Variants in ITGAE observed in about 807,000 individuals in gnomAD.
ITGAE encodes the protein integrin alpha-E.
ITGAE carries 99 observed loss-of-function variants against 136.5 expected under a neutral mutation model. The observed-to-expected ratio is 0.73, with a 90% CI of 0.62 to 0.86. The LOEUF (loss-of-function observed/expected upper bound fraction) is 0.86. ITGAE is among the 40% of genes least tolerant of loss of function. The pLI is 0.00. For synonymous variants in ITGAE, 613 were observed against 591.8 expected, an observed-to-expected ratio of 1.04 and a Z score of -0.52; for missense variants, 1,447 against 1,515.3, an observed-to-expected ratio of 0.95 and a Z score of 0.75.
At chr17:3,789,824 A>C (rs2052895996) in intron 1 of ITGAE, among the ~76,000 whole-genome samples, 1 of 152,128 alleles carries the variant, frequency 6.6e-6, no homozygotes, top group African/African-American at 2.4e-5. Flanking sequence ...TCATTTGTTC[A>C]TCTGGCCCTT....
At chr17:3,746,071 C>G in intron 17 of ITGAE, 144 bp from the exon 18 acceptor site, 1 of 710,020 alleles carries the variant, frequency 1.4e-6, no homozygotes, top group East Asian at 2.9e-5. Flanking sequence ...ACTCCTGCGT[C>G]GGTTTTTCAA....
At chr17:3,716,298 A>G (rs997319726) in intron 30 of ITGAE, among the ~76,000 whole-genome samples, 13 of 152,218 alleles carry the variant, frequency 8.5e-5, no homozygotes, top group African/African-American at 3.1e-4. Context: ...AAAGATTTCA[A>G]CAGGGGAACA....
At chr17:3,785,519 G>C in intron 1 of ITGAE, among the ~76,000 whole-genome samples, 1 of 144,896 alleles carries the variant, frequency 6.9e-6, no homozygotes, top group East Asian at 2.0e-4. Context: ...AGGAAGGAAG[G>C]AAGGAAGGAA....
At position 3,723,670 on chromosome 17, in the gene ITGAE, C is replaced by T; in HGVS notation, c.3141+18G>A. 1 of 1,575,054 alleles carries T rather than the reference C, an allele frequency of 6.3e-7. No individual in the cohort carries two copies. Among genetic ancestry groups the T allele is most frequent in the South Asian group, 1.1e-5 (1 of 87,144 alleles). On this transcript the variant is annotated intron_variant, in intron 27 of 30. Coordinates refer to ENST00000263087, the MANE Select transcript of ITGAE (RefSeq NM_002208.5). Reference sequence around the variant, plus strand: ...GGCCCTCCGCCCTCCCCTGGCCTCTCGGGACGGCCGCGCTTACCTGAACCG... The same window carrying T: ...GGCCCTCCGCCCTCCCCTGGCCTCTTGGGACGGCCGCGCTTACCTGAACCG...
intron 30 of ITGAE, among the ~76,000 whole-genome samples, chr17:3,715,426 G>A (rs2050923671): frequency 6.6e-6 from 1 of 152,162 alleles, no homozygotes; most frequent in Non-Finnish European, 1.5e-5. Flanking sequence ...CCAGCACAGA[G>A]GACTCAGGAG....
intron 1 of ITGAE, among the ~76,000 whole-genome samples, chr17:3,797,374 C>T (rs1227798061): frequency 6.6e-6 from 1 of 151,264 alleles, no homozygotes; most frequent in Non-Finnish European, 1.5e-5. Context: ...ACTGTGTTAG[C>T]CAGGATGGTC....
intron 2 of ITGAE, among the ~76,000 whole-genome samples, chr17:3,765,519 GAAT>G (rs1360871923): frequency 1.3e-5 from 2 of 152,040 alleles, no homozygotes; most frequent in African/African-American, 4.8e-5. Context: ...ATGGCTTACA[GAAT>G]AATAAGAAAG....
intron 20 of ITGAE, among the ~76,000 whole-genome samples, chr17:3,737,157 G>A (rs773625980): frequency 1.3e-5 from 2 of 152,150 alleles, no homozygotes; most frequent in Non-Finnish European, 2.9e-5. Context: ...GCTGAGTGTG[G>A]TCACGTGCGC....
chr17:3,732,496 A>C, intron 21 of ITGAE, 30 bp from the exon 22 acceptor site: 1 of 1,576,116 alleles, frequency 6.3e-7, no homozygotes, highest in Non-Finnish European at 8.7e-7. Flanking sequence ...CATTCTCTTA[A>C]AGAGCCAAAC....
At chr17:3,731,410 C>T (rs956451776) in intron 22 of ITGAE, among the ~76,000 whole-genome samples, 1 of 147,572 alleles carries the variant, frequency 6.8e-6, no homozygotes, top group Non-Finnish European at 1.5e-5. Context: ...GGTGTGATCT[C>T]AGCTCACTGC....
At chr17:3,731,503 A>G (rs373841959) in intron 22 of ITGAE, among the ~76,000 whole-genome samples, 2 of 151,572 alleles carry the variant, frequency 1.3e-5, no homozygotes, top group African/African-American at 4.8e-5. Context: ...CACCACGCCC[A>G]GCTAATTTTT....
chr17:3,770,485 C>G (rs2052394899), intron 2 of ITGAE, among the ~76,000 whole-genome samples: 1 of 152,108 alleles, frequency 6.6e-6, no homozygotes, highest in South Asian at 2.1e-4. Context: ...CTGTGGCAAC[C>G]AAAACCCATG....
rs77909182 is a variant in ITGAE, at chr17:3,775,374, A to G, written c.155+2166T>C. 3.3e-4 allele frequency among the ~76,000 whole-genome samples: 50 copies of G among 152,284 alleles called. 1 individual carries two copies. In the East Asian group the frequency reaches 9.4e-3, roughly 29 times the overall value. On this transcript the variant is annotated intron_variant, in intron 2 of 30. Transcript: ENST00000263087. Reference sequence around the variant, plus strand: ...TCTGCTTTTAGTATTGCATTGCATGAGTCATATCAGTATTTTTCCCATTTT... The same window carrying G: ...TCTGCTTTTAGTATTGCATTGCATGGGTCATATCAGTATTTTTCCCATTTT...
intron 8 of ITGAE, among the ~76,000 whole-genome samples, chr17:3,758,659 C>T (rs1201286824): frequency 6.7e-6 from 1 of 149,678 alleles, no homozygotes; most frequent in Non-Finnish European, 1.5e-5. Flanking sequence ...ACCATGTTGG[C>T]CAGGCTGGTC....
intron 1 of ITGAE, among the ~76,000 whole-genome samples, chr17:3,800,370 C>T (rs1163302672): frequency 1.3e-5 from 2 of 152,098 alleles, no homozygotes; most frequent in Non-Finnish European, 2.9e-5. Flanking sequence ...GGGCAGGAGA[C>T]CCATGGGAAG....
At chr17:3,753,475 C>A in intron 13 of ITGAE, 45 bp from the exon 14 acceptor site, 1 of 1,598,474 alleles carries the variant, frequency 6.3e-7, no homozygotes, top group East Asian at 2.2e-5. Flanking sequence ...CCCGCTCCTG[C>A]ACCCCTCAGC....
At chr17:3,795,978 C>CGTGTGTGCATCTGT (rs1491130964) in intron 1 of ITGAE, among the ~76,000 whole-genome samples, 2 of 41,118 alleles carry the variant, frequency 4.9e-5, no homozygotes, top group African/African-American at 3.1e-4. Flanking sequence ...TGTGTGCATC[C>CGTGTGTGCATCTGT]GTGTGTGCAT....
intron 26 of ITGAE, 113 bp from the exon 27 acceptor site, chr17:3,723,857 C>T: frequency 3.3e-6 from 5 of 1,520,796 alleles, no homozygotes; most frequent in Non-Finnish European, 3.5e-6. Flanking sequence ...GGAGCTAGGA[C>T]CCCGCGGCAG....
At chr17:3,776,474 C>T in intron 2 of ITGAE, among the ~76,000 whole-genome samples, 1 of 152,234 alleles carries the variant, frequency 6.6e-6, no homozygotes, top group South Asian at 2.1e-4. Flanking sequence ...CAGGCCCGAG[C>T]ACCTTGCTCA....
Sources: gnomAD v4.1 joint callset for allele counts (sites outside exome capture counted in the v4.1 genomes callset) on GRCh38, gnomAD v4.1.1 for gene constraint, MANE v1.5 for transcripts, NCBI Gene and HGNC (gene_info 2026-07-23, HGNC 2026-07-21) for gene names.